TENM3: variants seen among roughly 807,000 people sequenced by gnomAD.
TENM3 encodes the protein teneurin-3.
In TENM3, 63 loss-of-function variants were observed where a neutral mutation model predicts 255.1. The observed-to-expected ratio is 0.25, with a 90% CI of 0.20 to 0.30. The LOEUF is 0.30. TENM3 is among the 10% of genes least tolerant of loss of function. The pLI, the probability that TENM3 is intolerant of heterozygous loss-of-function variation, is 1.00. For synonymous variants in TENM3, 1,306 were observed against 1,322.3 expected, an observed-to-expected ratio of 0.99 and a Z score of 0.27; for missense variants, 2,929 against 3,461.1, an observed-to-expected ratio of 0.85 and a Z score of 3.86.
chr4:182,252,063 G>A (rs540322253), intron 1 of TENM3, among the ~76,000 whole-genome samples: 3 of 151,886 alleles, frequency 2.0e-5, no homozygotes, highest in South Asian at 2.1e-4. Context: ...CATGCCTGTA[G>A]TCCCAGCTAC....
chr4:182,171,746 A>T (rs2149696529), intron 1 of TENM3, among the ~76,000 whole-genome samples: 1 of 152,350 alleles, frequency 6.6e-6, no homozygotes, highest in African/African-American at 2.4e-5. Context: ...AAAAAACAAA[A>T]GTTTAATAAA....
chr4:182,734,193 G>A (rs1760992507), intron 16 of TENM3, among the ~76,000 whole-genome samples: 1 of 152,190 alleles, frequency 6.6e-6, no homozygotes, highest in African/African-American at 2.4e-5. Context: ...GCTGAAACAA[G>A]GATTAGGCTG....
the TENM3 span, chr4:181,834,969 T>C: frequency 2.6e-5 from 4 of 152,184 alleles, no homozygotes; most frequent in East Asian, 7.7e-4. Flanking sequence ...AATGTCCTTT[T>C]TGACTGAGCA....
chr4:182,208,560 A>G (rs1206099420), intron 1 of TENM3, among the ~76,000 whole-genome samples: 3 of 152,338 alleles, frequency 2.0e-5, no homozygotes, highest in African/African-American at 7.2e-5. Context: ...AGGTCTACTA[A>G]TGAGAAGAAT....
At chr4:182,188,665 A>T (rs1325043694) in intron 1 of TENM3, among the ~76,000 whole-genome samples, 1 of 152,222 alleles carries the variant, frequency 6.6e-6, no homozygotes, top group African/African-American at 2.4e-5. Flanking sequence ...CAAAAAGTGA[A>T]AGATCATGAT....
the TENM3 span, among the ~76,000 whole-genome samples, chr4:181,605,512 A>T: frequency 1.2e-3 from 25 of 20,114 alleles, 2 homozygotes; most frequent in Admixed American, 8.1e-3. Flanking sequence ...GAAAGAAAGA[A>T]AGAAAGAAAG....
intron 12 of TENM3, among the ~76,000 whole-genome samples, chr4:182,710,475 A>T (rs1460900578): frequency 6.6e-6 from 1 of 152,236 alleles, no homozygotes; most frequent in African/African-American, 2.4e-5. Flanking sequence ...GCATCATCTT[A>T]TCAATTAGCT....
chr4:182,520,473 A>C (rs542939737), intron 3 of TENM3, among the ~76,000 whole-genome samples: 1 of 152,286 alleles, frequency 6.6e-6, no homozygotes, highest in East Asian at 1.9e-4. Context: ...CTTTTGTTTC[A>C]GAATATATAT....
chr4:182,787,210 G>C (rs1291427138), intron 24 of TENM3, among the ~76,000 whole-genome samples: 1 of 152,168 alleles, frequency 6.6e-6, no homozygotes, highest in African/African-American at 2.4e-5. Flanking sequence ...GGTCAGAATC[G>C]AATAAAACTC....
the TENM3 span, among the ~76,000 whole-genome samples, chr4:181,735,276 A>T: frequency 6.6e-6 from 1 of 152,144 alleles, no homozygotes; most frequent in African/African-American, 2.4e-5. Context: ...AACTTGTAAA[A>T]GAGTTACAAG....
intron 12 of TENM3, among the ~76,000 whole-genome samples, chr4:182,694,236 A>C (rs1297854391): frequency 6.6e-6 from 1 of 151,856 alleles, no homozygotes; most frequent in Non-Finnish European, 1.5e-5. Flanking sequence ...CAGCCTCCCG[A>C]ATAGCTGGGA....
At chr4:182,044,688 A>T in the TENM3 span, among the ~76,000 whole-genome samples, 1 of 152,176 alleles carries the variant, frequency 6.6e-6, no homozygotes. Flanking sequence ...CAAGGCTATC[A>T]TTTTTTTGTC....
the TENM3 span, among the ~76,000 whole-genome samples, chr4:181,597,316 C>T: frequency 2.0e-5 from 3 of 152,176 alleles, no homozygotes; most frequent in Non-Finnish European, 4.4e-5. Flanking sequence ...TAAGCCTTCC[C>T]TAAACTGTGT....
intron 6 of TENM3, among the ~76,000 whole-genome samples, chr4:182,659,957 T>A (rs1754084503): frequency 6.6e-6 from 1 of 152,218 alleles, no homozygotes; most frequent in African/African-American, 2.4e-5. Context: ...TTAACGCCTG[T>A]GCTACTTGGG....
At chr4:181,691,877 T>C in the TENM3 span, among the ~76,000 whole-genome samples, 1 of 152,154 alleles carries the variant, frequency 6.6e-6, no homozygotes, top group South Asian at 2.1e-4. Context: ...AGAAATTAAA[T>C]CAGTTTTAAT....
intron 1 of TENM3, among the ~76,000 whole-genome samples, chr4:182,226,884 C>G (rs1313872943): frequency 6.6e-6 from 1 of 152,148 alleles, no homozygotes; most frequent in Non-Finnish European, 1.5e-5. Flanking sequence ...TCACCTGACC[C>G]ATACATATAG....
the TENM3 span, among the ~76,000 whole-genome samples, chr4:181,624,228 T>G: frequency 3.3e-5 from 5 of 152,196 alleles, no homozygotes; most frequent in African/African-American, 1.2e-4. Context: ...TGACTTGTCC[T>G]CGCTCCAGAA....
intron 2 of TENM3, among the ~76,000 whole-genome samples, chr4:182,341,893 T>C (rs1412799263): frequency 2.0e-5 from 3 of 152,222 alleles, no homozygotes; most frequent in Admixed American, 1.3e-4. Flanking sequence ...GTTTGCCCTC[T>C]AAATTTCAAT....
At chr4:182,436,572 G>A (rs1480018027) in intron 3 of TENM3, among the ~76,000 whole-genome samples, 1 of 152,192 alleles carries the variant, frequency 6.6e-6, no homozygotes, top group Non-Finnish European at 1.5e-5. Context: ...TTGGAAAAGA[G>A]AGATCTTGCA....
Sources: allele counts gnomAD v4.1 joint callset (sites outside exome capture counted in the v4.1 genomes callset), GRCh38; gene constraint gnomAD v4.1.1; transcripts MANE v1.5; gene names NCBI Gene and HGNC (gene_info 2026-07-23, HGNC 2026-07-21).